SMYD3: variants seen among roughly 807,000 people sequenced by gnomAD.
SMYD3 encodes the protein SET and MYND domain containing 3, also known as histone-lysine N-methyltransferase SMYD3.
SMYD3 carries 36 observed loss-of-function variants against 57.7 expected under a neutral mutation model. The observed-to-expected ratio is 0.62, with a 90% CI of 0.48 to 0.82. The LOEUF (loss-of-function observed/expected upper bound fraction) is 0.82, where lower values mean the gene tolerates loss of function less well. Ranked by LOEUF, SMYD3 falls within the 40% of genes least tolerant of loss-of-function variation. SMYD3 has a pLI of 0.00. For missense variants in SMYD3, 515 were observed against 538.8 expected, an observed-to-expected ratio of 0.96 and a Z score of 0.44; for synonymous variants, 211 against 195.0, an observed-to-expected ratio of 1.08 and a Z score of -0.68.
In SMYD3 at chr1:245,911,043, G is replaced by T. The variant is rs1233104226; in HGVS notation, c.813+4487C>A. Among the ~76,000 whole-genome samples the T allele has an allele frequency of 4.0e-5, 6 of 151,838 alleles. No homozygotes were observed. In the South Asian group the frequency reaches 1.2e-3, roughly 32 times the overall value. On this transcript the variant is annotated intron_variant, in intron 8 of 11. Coordinates refer to ENST00000490107, the MANE Select transcript of SMYD3 (RefSeq NM_001167740.2). ...AATATATAGGAACTCAAACTCAATA[G>T]CAAAAAACAACCCAATTAAGAACAG...
chr1:245,871,758 T>C (rs2148517751), intron 8 of SMYD3, among the ~76,000 whole-genome samples: 1 of 152,258 alleles, frequency 6.6e-6, no homozygotes, highest in Non-Finnish European at 1.5e-5. Flanking sequence ...AGATGCACCT[T>C]CTCATCTTTT....
intron 10 of SMYD3, among the ~76,000 whole-genome samples, chr1:245,777,715 A>G (rs956316505): frequency 6.6e-6 from 1 of 152,214 alleles, no homozygotes; most frequent in East Asian, 1.9e-4. Context: ...TGTCTTCTGC[A>G]TAGCTTAATG....
intron 1 of SMYD3, among the ~76,000 whole-genome samples, chr1:246,402,209 A>AT (rs1257707269): frequency 6.6e-6 from 1 of 151,888 alleles, no homozygotes; most frequent in African/African-American, 2.4e-5. Flanking sequence ...CATATCACAC[A>AT]TTTCAGCAAA....
chr1:246,271,430 G>T (rs1489938184), intron 5 of SMYD3, among the ~76,000 whole-genome samples: 1 of 151,920 alleles, frequency 6.6e-6, no homozygotes, highest in Non-Finnish European at 1.5e-5. Flanking sequence ...TATAGTTTGG[G>T]GTCTTACATT....
chr1:246,144,420 A>C (rs2061811206), intron 5 of SMYD3, among the ~76,000 whole-genome samples: 1 of 152,204 alleles, frequency 6.6e-6, no homozygotes, highest in South Asian at 2.1e-4. Context: ...TTTCACCATA[A>C]CATCTAAAAT....
At chr1:246,086,219 G>A (rs1407442659) in intron 5 of SMYD3, among the ~76,000 whole-genome samples, 3 of 152,006 alleles carry the variant, frequency 2.0e-5, no homozygotes, top group Admixed American at 1.3e-4. Context: ...CTTAATACTA[G>A]GATGGACCCT....
intron 1 of SMYD3, among the ~76,000 whole-genome samples, chr1:246,366,930 CA>C (rs1269333583): frequency 0.26 from 15,204 of 58,478 alleles, 689 homozygotes; most frequent in East Asian, 0.51. Context: ...GACTCCATCT[CA>C]AAAAAAAAAA....
chr1:245,853,823 G>T (rs1254760029), intron 10 of SMYD3, among the ~76,000 whole-genome samples: 1 of 152,096 alleles, frequency 6.6e-6, no homozygotes, highest in Non-Finnish European at 1.5e-5. Context: ...ACCATGGCAG[G>T]TACACAAACT....
At chr1:245,833,679 G>A (rs2049967668) in intron 10 of SMYD3, among the ~76,000 whole-genome samples, 1 of 152,174 alleles carries the variant, frequency 6.6e-6, no homozygotes. Flanking sequence ...TTCAACTTTG[G>A]TGGACTCCCT....
intron 5 of SMYD3, among the ~76,000 whole-genome samples, chr1:246,189,442 G>C (rs1378300683): frequency 6.6e-6 from 1 of 152,156 alleles, no homozygotes; most frequent in African/African-American, 2.4e-5. Flanking sequence ...GTTTGTTTTT[G>C]CTATACAGCT....
chr1:245,789,024 T>C (rs1422451444), intron 10 of SMYD3: 1 of 152,156 alleles, frequency 6.6e-6, no homozygotes, highest in Non-Finnish European at 1.5e-5. Flanking sequence ...TCCGAAAGTT[T>C]CTCTATCACG....
intron 5 of SMYD3, among the ~76,000 whole-genome samples, chr1:246,129,751 T>C (rs989004462): frequency 2.6e-5 from 4 of 152,238 alleles, no homozygotes; most frequent in African/African-American, 9.6e-5. Flanking sequence ...CCCCATCGAG[T>C]TGAGAAAGTT....
intron 1 of SMYD3, among the ~76,000 whole-genome samples, chr1:246,459,383 TCTG>T (rs2067759508): frequency 1.3e-5 from 2 of 151,958 alleles, no homozygotes; most frequent in African/African-American, 2.4e-5. Flanking sequence ...TCTCTCCTGC[TCTG>T]CTGTTCTCCT....
chr1:245,858,942 T>C (rs983378677), intron 9 of SMYD3, among the ~76,000 whole-genome samples: 51 of 152,382 alleles, frequency 3.3e-4, no homozygotes, highest in African/African-American at 1.2e-3. Flanking sequence ...TCTTGCTTCA[T>C]ACTCCTAGAT....
intron 8 of SMYD3, among the ~76,000 whole-genome samples, chr1:245,877,578 G>A (rs971967162): frequency 6.6e-6 from 1 of 152,218 alleles, no homozygotes; most frequent in African/African-American, 2.4e-5. Flanking sequence ...AGTGAGAGAG[G>A]AAGAGAGAGA....
At chr1:246,007,207 C>T (rs1357737901) in intron 5 of SMYD3, among the ~76,000 whole-genome samples, 1 of 152,228 alleles carries the variant, frequency 6.6e-6, no homozygotes, top group Non-Finnish European at 1.5e-5. Context: ...ACTTATCCTT[C>T]CCAATCCGTA....
intron 5 of SMYD3, among the ~76,000 whole-genome samples, chr1:246,306,557 T>C (rs2064982574): frequency 6.6e-6 from 1 of 152,212 alleles, no homozygotes; most frequent in African/African-American, 2.4e-5. Flanking sequence ...TTTAGTACTT[T>C]AGTATAATAC....
At chr1:246,281,273 G>A (rs2064434905) in intron 5 of SMYD3, among the ~76,000 whole-genome samples, 1 of 152,164 alleles carries the variant, frequency 6.6e-6, no homozygotes, top group Non-Finnish European at 1.5e-5. Flanking sequence ...TACTGAAATG[G>A]CCCAGGACAA....
intron 5 of SMYD3, among the ~76,000 whole-genome samples, chr1:246,002,949 G>A (rs1558574595): frequency 6.6e-6 from 1 of 152,118 alleles, no homozygotes; most frequent in Non-Finnish European, 1.5e-5. Flanking sequence ...CCCATTCTTC[G>A]GCCTCACTGC....
Sources: allele counts gnomAD v4.1 joint callset (sites outside exome capture counted in the v4.1 genomes callset), GRCh38; gene constraint gnomAD v4.1.1; transcripts MANE v1.5; gene names NCBI Gene and HGNC (gene_info 2026-07-23, HGNC 2026-07-21).